INO80D: variants seen among roughly 807,000 people sequenced by gnomAD.
INO80D encodes the protein INO80 complex subunit D.
Under a neutral mutation model 87.6 loss-of-function variants are expected in INO80D, and 21 were observed. The observed-to-expected ratio is 0.24, with a 90% CI of 0.17 to 0.35. The LOEUF (loss-of-function observed/expected upper bound fraction) is 0.35. Ranked by LOEUF, INO80D falls within the 10% of genes least tolerant of loss-of-function variation. The pLI is 1.00. For synonymous variants in INO80D, 440 were observed against 491.0 expected (o/e 0.90, Z 1.37); for missense variants, 982 against 1,280.7 (o/e 0.77, Z 3.56).
At chr2:206,080,764 G>A (rs569776643) in intron 1 of INO80D, among the ~76,000 whole-genome samples, 15 of 151,774 alleles carry the variant, frequency 9.9e-5, no homozygotes, top group Middle Eastern at 3.4e-3. Flanking sequence ...AAAATTAGCC[G>A]GGTGTGCGGG....
rs1166929562 is a variant in INO80D, at chr2:206,005,237, C to G, written c.2215G>C (p.Ala739Pro). The G allele has an allele frequency of 6.2e-7, 1 of 1,613,888 alleles. No homozygotes were observed. The highest frequency in any genetic ancestry group is 1.3e-5 in the African/African-American group (1 of 74,920). ...GGTGTAGGTGGGTTTGACAAGGTAG[C>G]AGAACGGAGCAGGTTCTCATCCAGC... ...LELDENLLRSATLSNPPTPLA... is the reference protein window; with the variant it reads ...LELDENLLRSPTLSNPPTPLA... Residue 739 changes from alanine to proline, a missense_variant, in exon 11 of 11, where the codon GCT (alanine) becomes CCT (proline). Transcript: ENST00000403263.
intron 5 of INO80D, among the ~76,000 whole-genome samples, chr2:206,043,255 T>G (rs1689101083): frequency 6.6e-6 from 1 of 152,050 alleles, no homozygotes; most frequent in Admixed American, 6.5e-5. Context: ...CACTGCAACC[T>G]CTGCCTCCCG....
intron 1 of INO80D, among the ~76,000 whole-genome samples, chr2:206,074,086 G>A (rs1690044505): frequency 6.6e-6 from 1 of 152,074 alleles, no homozygotes; most frequent in Non-Finnish European, 1.5e-5. Context: ...TTTATTAACA[G>A]TTCTAGCAAA....
chr2:206,081,726 C>T (rs1046123779), intron 1 of INO80D, among the ~76,000 whole-genome samples: 3 of 147,258 alleles, frequency 2.0e-5, no homozygotes, highest in African/African-American at 7.5e-5. Context: ...CACTGTACTC[C>T]AGGCTCGACA....
rs200584898 is a variant in INO80D, at chr2:206,056,568, A to G, written c.594T>C (p.Pro198=). The G allele has an allele frequency of 1.9e-4, 310 of 1,612,410 alleles. No individual in the cohort carries two copies. The highest frequency in any genetic ancestry group is 1.1e-3 in the Admixed American group (68 of 59,614). Residue 198 remains proline, a synonymous_variant, in exon 4 of 11, where the codon CCT becomes CCC. Coordinates refer to ENST00000403263, the MANE Select transcript of INO80D (RefSeq NM_017759.5). ...GCGGAGGCTGCTGCTGTGAAGGTGC[A>G]GGAGGGGGACTAAAGTGCTCTTGTC... is the stretch of plus-strand genomic sequence containing the variant. ...KVRQEHFSPP[P]APSQQQPPQQ... is the part of the protein sequence containing the mutation.
At chr2:206,059,880 G>C (rs1223278841) in intron 3 of INO80D, among the ~76,000 whole-genome samples, 1 of 152,116 alleles carries the variant, frequency 6.6e-6, no homozygotes, top group Non-Finnish European at 1.5e-5. Flanking sequence ...TAACCAAAAA[G>C]TTTCCCAAGA....
At chr2:206,018,907 CA>C (rs2105816978) in intron 7 of INO80D, among the ~76,000 whole-genome samples, 1 of 152,276 alleles carries the variant, frequency 6.6e-6, no homozygotes, top group South Asian at 2.1e-4. Context: ...TGCCTCTAAA[CA>C]AACAAACATG....
intron 8 of INO80D, among the ~76,000 whole-genome samples, chr2:206,012,684 A>G (rs1688208992): frequency 1.3e-5 from 2 of 152,014 alleles, no homozygotes; most frequent in Non-Finnish European, 2.9e-5. Flanking sequence ...CCTGGCCAAC[A>G]TGGTAAAACC....
In INO80D at chr2:205,995,639, T is replaced by C. The variant is rs1447446084; in HGVS notation, c.*8729A>G. 6.6e-6 allele frequency: 1 copy of C among 152,152 alleles called. No homozygotes were observed. The highest frequency in any genetic ancestry group is 1.5e-5 in the Non-Finnish European group (1 of 68,006). 9.4% of individuals were successfully genotyped at this position (152,152 alleles called of 1,614,324 possible). On this transcript the variant is annotated 3_prime_UTR_variant, in exon 11 of 11. Transcript: ENST00000403263. ...CCCACAATATATACTAGAGACATAC[T>C]GTGTGAGTACATACGAAAGCATATG...
chr2:206,077,832 C>G (rs557320934), intron 1 of INO80D, among the ~76,000 whole-genome samples: 96 of 152,088 alleles, frequency 6.3e-4, no homozygotes, highest in Non-Finnish European at 1.0e-3. Context: ...TCTGCAGCAT[C>G]TGACACTGCT....
intron 1 of INO80D, among the ~76,000 whole-genome samples, chr2:206,083,581 G>T (rs1690342416): frequency 6.6e-6 from 1 of 152,068 alleles, no homozygotes; most frequent in South Asian, 2.1e-4. Flanking sequence ...TAAATGACCG[G>T]ATATCTATCA....
chr2:206,014,260 T>A (rs950520461), intron 8 of INO80D, among the ~76,000 whole-genome samples: 1 of 152,202 alleles, frequency 6.6e-6, no homozygotes, highest in Non-Finnish European at 1.5e-5. Flanking sequence ...TGTAGTTTAG[T>A]ATACAAATTT....
chr2:206,073,582 C>T (rs997006997), intron 1 of INO80D, among the ~76,000 whole-genome samples: 2 of 152,032 alleles, frequency 1.3e-5, no homozygotes, highest in East Asian at 1.9e-4. Flanking sequence ...GGTATGATTA[C>T]GACTTACTGA....
At chr2:206,082,316 G>A (rs770247323) in intron 1 of INO80D, among the ~76,000 whole-genome samples, 7 of 152,304 alleles carry the variant, frequency 4.6e-5, no homozygotes, top group Admixed American at 2.0e-4. Flanking sequence ...CACCACGCCC[G>A]GCCTAAAAAC....
chr2:206,061,915 T>C (rs879781014), intron 3 of INO80D, among the ~76,000 whole-genome samples: 2 of 152,202 alleles, frequency 1.3e-5, no homozygotes, highest in Non-Finnish European at 2.9e-5. Context: ...CTTGAAACTT[T>C]TGGAAAACAA....
At chr2:206,038,420 TG>T (rs1490693249) in intron 5 of INO80D, among the ~76,000 whole-genome samples, 1 of 152,190 alleles carries the variant, frequency 6.6e-6, no homozygotes, top group African/African-American at 2.4e-5. Context: ...CAGAACTTGT[TG>T]CCATTCTAAA....
In INO80D at chr2:206,004,579, G is replaced by A; in HGVS notation, c.2873C>T (p.Pro958Leu). 1 of 1,611,636 alleles carries A rather than the reference G, an allele frequency of 6.2e-7. No individual in the cohort carries two copies. The highest frequency in any genetic ancestry group is 8.5e-7 in the Non-Finnish European group (1 of 1,178,898). The change falls in exon 11 of 11, where the codon CCT (proline) becomes CTT (leucine). Residue 958 changes from proline to leucine, a missense_variant. Transcript: ENST00000403263. This position sits in a 1 kb window ranked among gnomAD's most constrained non-coding sequence, Gnocchi z 4.9. ...GGTGGAGGCCATTAGTTCAGCAGAA[G>A]GCCCCATGCCACTGAAGCTGGTCTG... ...LPQTSFSGMGPSAELMASTSP... is the reference protein window; with the variant it reads ...LPQTSFSGMGLSAELMASTSP...
chr2:206,007,994 T>C (rs1435930788), intron 9 of INO80D: 1 of 152,522 alleles, frequency 6.6e-6, no homozygotes, highest in African/African-American at 2.4e-5. Flanking sequence ...CTAGGTTTTT[T>C]TTTTTAGACA....
intron 1 of INO80D, chr2:206,084,861 A>G (rs1690392482): frequency 6.6e-6 from 1 of 152,102 alleles, no homozygotes; most frequent in South Asian, 2.1e-4. Context: ...CCTCCTTCCC[A>G]CCCCAAAAAC....
Sources: gnomAD v4.1 joint callset for allele counts (sites outside exome capture counted in the v4.1 genomes callset) on GRCh38, gnomAD v4.1.1 for gene constraint, Gnocchi (gnomAD v3.1) non-coding constraint, MANE v1.5 for transcripts, NCBI Gene and HGNC (gene_info 2026-07-23, HGNC 2026-07-21) for gene names.